The following IQCM variants were observed in gnomAD, a reference collection of about 807,000 sequenced individuals.
IQCM encodes the protein IQ domain-containing protein M.
Under a neutral mutation model 57.6 loss-of-function variants are expected in IQCM, and 45 were observed. The observed-to-expected ratio is 0.78, with a 90% CI of 0.62 to 1.00. The LOEUF (loss-of-function observed/expected upper bound fraction) is 1.00. Among genes scored for constraint, IQCM ranks in the 50% least tolerant of loss-of-function variants. IQCM has a pLI of 0.00. For synonymous variants in IQCM, 148 were observed against 158.9 expected, an observed-to-expected ratio of 0.93 and a Z score of 0.51; for missense variants, 468 against 511.6, an observed-to-expected ratio of 0.91 and a Z score of 0.82.
At chr4:149,642,969 T>C (rs1397298881) in intron 7 of IQCM, among the ~76,000 whole-genome samples, 2 of 152,172 alleles carry the variant, frequency 1.3e-5, no homozygotes, top group South Asian at 4.1e-4. Flanking sequence ...ACATTTATAT[T>C]CAATAAGAAT....
intron 12 of IQCM, among the ~76,000 whole-genome samples, chr4:149,506,895 A>G (rs1220805075): frequency 2.0e-5 from 3 of 152,266 alleles, no homozygotes; most frequent in Admixed American, 1.3e-4. Flanking sequence ...AGCAATAGTG[A>G]AAGAATAAAT....
intron 7 of IQCM, among the ~76,000 whole-genome samples, chr4:149,630,908 G>T (rs1313615474): frequency 6.6e-6 from 1 of 152,132 alleles, no homozygotes; most frequent in Non-Finnish European, 1.5e-5. Flanking sequence ...TGCTTGTAAA[G>T]TTGACCTTTG....
chr4:149,616,040 G>A (rs1447909954), intron 8 of IQCM, among the ~76,000 whole-genome samples: 3 of 152,036 alleles, frequency 2.0e-5, no homozygotes, highest in Non-Finnish European at 2.9e-5. Context: ...AAATGATATG[G>A]TTATTCCTCA....
chr4:149,357,353 T>C (rs969473286), intron 13 of IQCM, among the ~76,000 whole-genome samples: 28 of 152,160 alleles, frequency 1.8e-4, no homozygotes, highest in Non-Finnish European at 2.1e-4. Context: ...CCAGTTTTTG[T>C]CCATTCAGTA....
rs113022036 is a variant in IQCM at position 149,778,993 on chromosome 4, C to G, written c.-48-36254G>C. ...GAGAAATACTTCCAAGTTCATTTTA[C>G]TAATCCAGTAAAACCAGACAGGGAT... On this transcript the variant is annotated intron_variant, in intron 2 of 13. Coordinates refer to ENST00000636793, the MANE Select transcript of IQCM (RefSeq NM_001363507.2). Among the ~76,000 whole-genome samples, 705 of 152,198 alleles carry G rather than the reference C, an allele frequency of 4.6e-3. 6 individuals carry two copies. Among genetic ancestry groups the G allele is most frequent in the African/African-American group, 0.016 (674 of 41,556 alleles).
chr4:149,464,146 C>A (rs1738596975), intron 12 of IQCM, among the ~76,000 whole-genome samples: 1 of 152,136 alleles, frequency 6.6e-6, no homozygotes, highest in Non-Finnish European at 1.5e-5. Context: ...CTAAAATGAA[C>A]TATTGACTCA....
At chr4:149,563,580 C>T (rs1750335365) in intron 10 of IQCM, 112 bp downstream of exon 10, 8 of 733,290 alleles carry the variant, frequency 1.1e-5, no homozygotes, top group Non-Finnish European at 1.3e-5. Flanking sequence ...CAGCAAAACT[C>T]TATCTCCAAA....
At chr4:149,569,891 A>G (rs564487141) in intron 9 of IQCM, among the ~76,000 whole-genome samples, 3 of 152,236 alleles carry the variant, frequency 2.0e-5, no homozygotes, top group Non-Finnish European at 4.4e-5. Flanking sequence ...TATGTTTCAT[A>G]TTTATTTTCT....
chr4:149,563,203 G>A (rs1750294724), intron 10 of IQCM, among the ~76,000 whole-genome samples: 1 of 152,166 alleles, frequency 6.6e-6, no homozygotes, highest in South Asian at 2.1e-4. Flanking sequence ...GTACCCAGGA[G>A]TGTGGGAAGT....
chr4:149,418,363 A>G lies in IQCM; in HGVS notation c.1390+15033T>C, dbSNP rs931936076. On this transcript the variant is annotated intron_variant, in intron 13 of 13. Transcript: ENST00000636793. Reference sequence around the variant, plus strand: ...AGAAGAAATGGATAAGTTCCTGGACACATACACCCTCCCAGGACTGAACCA... The same window carrying G: ...AGAAGAAATGGATAAGTTCCTGGACGCATACACCCTCCCAGGACTGAACCA... Among the ~76,000 whole-genome samples, 3 of 152,220 alleles carry G rather than the reference A, an allele frequency of 2.0e-5. No individual in the cohort carries two copies. The South Asian group carries it at 6.2e-4, about 32-fold the overall frequency.
At chr4:149,694,218 CTT>C (rs70965195) in intron 5 of IQCM, among the ~76,000 whole-genome samples, 1,925 of 94,702 alleles carry the variant, frequency 0.02, 39 homozygotes, top group South Asian at 0.16. Flanking sequence ...GGATTAATTT[CTT>C]TTTTTTTTTT....
intron 7 of IQCM, among the ~76,000 whole-genome samples, chr4:149,681,791 T>C (rs1762198407): frequency 6.6e-6 from 1 of 151,118 alleles, no homozygotes; most frequent in Non-Finnish European, 1.5e-5. Context: ...TCATCTATAT[T>C]CTCTTTTAAA....
chr4:149,789,325 A>G (rs562435265), intron 2 of IQCM, among the ~76,000 whole-genome samples: 106 of 152,294 alleles, frequency 7.0e-4, no homozygotes, highest in Middle Eastern at 6.8e-3. Flanking sequence ...CAGTAATTAT[A>G]AATTCTATTC....
At chr4:149,747,738 A>T (rs1768064437) in intron 2 of IQCM, among the ~76,000 whole-genome samples, 1 of 152,232 alleles carries the variant, frequency 6.6e-6, no homozygotes, top group African/African-American at 2.4e-5. Context: ...CAGGCTAGCT[A>T]GGAACGCAGG....
intron 12 of IQCM, among the ~76,000 whole-genome samples, chr4:149,503,304 C>G (rs1156828723): frequency 6.6e-6 from 1 of 152,046 alleles, no homozygotes; most frequent in African/African-American, 2.4e-5. Flanking sequence ...CCTGAATTTG[C>G]ATATCTAAAG....
intron 2 of IQCM, among the ~76,000 whole-genome samples, chr4:149,768,583 A>G (rs1451089655): frequency 6.6e-6 from 1 of 152,114 alleles, no homozygotes; most frequent in Non-Finnish European, 1.5e-5. Context: ...CACAACCCTT[A>G]GGAACTTGAA....
chr4:149,566,534 G>A (rs954378424), intron 9 of IQCM, among the ~76,000 whole-genome samples: 23 of 151,990 alleles, frequency 1.5e-4, no homozygotes, highest in African/African-American at 4.8e-4. Flanking sequence ...GAGAGAGAGA[G>A]AAAAGTGACA....
At chr4:149,640,237 C>T (rs1758071686) in intron 7 of IQCM, among the ~76,000 whole-genome samples, 1 of 152,168 alleles carries the variant, frequency 6.6e-6, no homozygotes, top group Admixed American at 6.5e-5. Flanking sequence ...ATAATAATCA[C>T]ATCATGGAAA....
At chr4:149,621,363 AT>A in intron 7 of IQCM, 119 bp from the exon 8 acceptor site, 1 of 414,740 alleles carries the variant, frequency 2.4e-6, no homozygotes, top group Non-Finnish European at 4.1e-6. Context: ...ACTATTCTGT[AT>A]TAAAATCACA....
Sources: allele counts gnomAD v4.1 joint callset (sites outside exome capture counted in the v4.1 genomes callset), GRCh38; gene constraint gnomAD v4.1.1; transcripts MANE v1.5; gene names NCBI Gene and HGNC (gene_info 2026-07-23, HGNC 2026-07-21).